PPIL1: variants seen among roughly 807,000 people sequenced by gnomAD.
PPIL1 encodes the protein peptidyl-prolyl cis-trans isomerase-like 1.
In PPIL1, 14 loss-of-function variants were observed where a neutral mutation model predicts 19.4. The ratio of observed to expected loss-of-function variants is 0.72; its 90% CI spans 0.48 to 1.13. The LOEUF (loss-of-function observed/expected upper bound fraction) is 1.13. PPIL1 is among the 50% of genes most tolerant of loss of function. The pLI, the probability that PPIL1 is intolerant of heterozygous loss-of-function variation, is 0.00. For synonymous variants in PPIL1, 72 were observed against 73.6 expected (o/e 0.98, Z 0.11); for missense variants, 192 against 218.0 (o/e 0.88, Z 0.75).
rs1483296704 is a variant in PPIL1 at position 36,874,782 on chromosome 6, G to C, written c.-10C>G. 6.2e-7 allele frequency: 1 copy of C among 1,614,014 alleles called. No individual in the cohort carries two copies. Among genetic ancestry groups the C allele is most frequent in the Non-Finnish European group, 8.5e-7 (1 of 1,179,928 alleles). On this transcript the variant is annotated 5_prime_UTR_variant, in exon 1 of 4. Coordinates refer to ENST00000373699, the MANE Select transcript of PPIL1 (RefSeq NM_016059.5). The stretch of plus-strand genomic sequence containing the variant: ...GGGGAATTGCCGCCATAGCGAAGCC[G>C]GCGGCGGAATGCTTGTCTAGTAATT...
At chr6:36,859,248 A>T (rs1774228375) in intron 2 of PPIL1, among the ~76,000 whole-genome samples, 1 of 152,054 alleles carries the variant, frequency 6.6e-6, no homozygotes, top group African/African-American at 2.4e-5. Flanking sequence ...AACATGGTGA[A>T]ACCCCATCAC....
intron 2 of PPIL1, among the ~76,000 whole-genome samples, chr6:36,866,144 C>T (rs1774390001): frequency 6.6e-6 from 1 of 152,166 alleles, no homozygotes; most frequent in African/African-American, 2.4e-5. Context: ...AAATAAAAGA[C>T]ACTCAGAGGG....
At chr6:36,868,422 C>T (rs923494462) in intron 2 of PPIL1, among the ~76,000 whole-genome samples, 2 of 151,996 alleles carry the variant, frequency 1.3e-5, no homozygotes, top group Non-Finnish European at 2.9e-5. Flanking sequence ...AACTATATTT[C>T]CTGAAATAGA....
At chr6:36,856,743 A>C in intron 2 of PPIL1, 89 bp from the exon 3 acceptor site, 22 of 1,261,436 alleles carry the variant, frequency 1.7e-5, no homozygotes, top group East Asian at 2.3e-5. Flanking sequence ...AGGATTTCTC[A>C]GAGTAGAGGA....
chr6:36,859,001 G>A (rs1380034419), intron 2 of PPIL1, among the ~76,000 whole-genome samples: 2 of 152,142 alleles, frequency 1.3e-5, no homozygotes, highest in Non-Finnish European at 2.9e-5. Context: ...TGTGGCCTGA[G>A]CTTCAAAGTG....
At chr6:36,860,109 G>A (rs1774251907) in intron 2 of PPIL1, among the ~76,000 whole-genome samples, 1 of 151,928 alleles carries the variant, frequency 6.6e-6, no homozygotes. Context: ...ACAGGTGTGA[G>A]CCACCACACC....
chr6:36,874,614 G>T, intron 1 of PPIL1, 103 bp downstream of exon 1: 1 of 1,468,552 alleles, frequency 6.8e-7, no homozygotes, highest in Non-Finnish European at 9.5e-7. Context: ...GCCCCTCCAC[G>T]TGGAGGCCGG....
At chr6:36,864,983 A>AG in intron 2 of PPIL1, among the ~76,000 whole-genome samples, 1 of 148,228 alleles carries the variant, frequency 6.7e-6, no homozygotes, top group Admixed American at 6.8e-5. Flanking sequence ...ATTAACAATA[A>AG]AAAAAAAAAA....
intron 2 of PPIL1, among the ~76,000 whole-genome samples, chr6:36,870,725 ATTC>A (rs1774491567): frequency 6.6e-6 from 1 of 151,992 alleles, no homozygotes; most frequent in Non-Finnish European, 1.5e-5. Context: ...GGTTCAAGCA[ATTC>A]TTCTGCCTCA....
chr6:36,856,911 T>C (rs2150653872), intron 2 of PPIL1, among the ~76,000 whole-genome samples: 2 of 152,384 alleles, frequency 1.3e-5, no homozygotes, highest in East Asian at 3.9e-4. Flanking sequence ...ACATGTTCAC[T>C]ATCAAAAAGG....
At chr6:36,862,168 C>T (rs534700422) in intron 2 of PPIL1, among the ~76,000 whole-genome samples, 4 of 151,684 alleles carry the variant, frequency 2.6e-5, no homozygotes, top group Admixed American at 1.3e-4. Context: ...TACTTGTCCC[C>T]GCCCCTCCCA....
At chr6:36,870,762 T>C (rs1016598294) in intron 2 of PPIL1, among the ~76,000 whole-genome samples, 1 of 152,056 alleles carries the variant, frequency 6.6e-6, no homozygotes, top group African/African-American at 2.4e-5. Flanking sequence ...GAACCTGAGA[T>C]TACAGGTGCC....
At chr6:36,860,763 TAAAAA>T (rs10585822) in intron 2 of PPIL1, among the ~76,000 whole-genome samples, 21 of 122,240 alleles carry the variant, frequency 1.7e-4, no homozygotes, top group African/African-American at 5.2e-4. Context: ...TATGTATCCC[TAAAAA>T]AAAAAAAAAA....
chr6:36,859,253 C>A (rs1324694615), intron 2 of PPIL1, among the ~76,000 whole-genome samples: 1 of 151,886 alleles, frequency 6.6e-6, no homozygotes, highest in African/African-American at 2.4e-5. Context: ...GGTGAAACCC[C>A]ATCACTAATA....
At position 36,859,844 on chromosome 6, in the gene PPIL1, T is replaced by TG. The variant is rs1554132501; in HGVS notation, c.212-3191_212-3190insC. ...GTGTGTGTGTGTGTGTGTGTGTGTG[T>TG]TTTGAGACAGAATCTCACTCTATCA... On this transcript the variant is annotated intron_variant, in intron 2 of 3. Transcript: ENST00000373699. Among the ~76,000 whole-genome samples the TG allele has an allele frequency of 2.0e-5, 3 of 150,386 alleles. No homozygotes were observed. The East Asian group carries it at 5.9e-4, about 29-fold the overall frequency.
chr6:36,874,486 AAGG>A (rs1428805406), intron 1 of PPIL1, among the ~76,000 whole-genome samples: 1 of 152,184 alleles, frequency 6.6e-6, no homozygotes, highest in African/African-American at 2.4e-5. Flanking sequence ...GGACTGGGGG[AAGG>A]AGGACAATCA....
Position 36,864,981 on chromosome 6 carries a change from TA to T in PPIL1, c.211+6736del, listed in dbSNP as rs569701227. Among the ~76,000 whole-genome samples the T allele has an allele frequency of 5.8e-3, 845 of 144,936 alleles. 8 individuals are homozygous for T. Among genetic ancestry groups the T allele is most frequent in the African/African-American group, 0.017 (656 of 39,574 alleles). The stretch of plus-strand genomic sequence containing the variant: ...AGGTATTTGTTAAATGAATTAACAA[TA>T]AAAAAAAAAAACCAGTCACATTTGT... On this transcript the variant is annotated intron_variant, in intron 2 of 3. Coordinates refer to ENST00000373699, the MANE Select transcript of PPIL1 (RefSeq NM_016059.5).
At chr6:36,872,154 A>G (rs761841967) in intron 1 of PPIL1, among the ~76,000 whole-genome samples, 7 of 151,850 alleles carry the variant, frequency 4.6e-5, no homozygotes, top group Non-Finnish European at 1.0e-4. Context: ...ATACATATGT[A>G]TATATATATA....
chr6:36,862,021 C>T (rs1400239581), intron 2 of PPIL1, among the ~76,000 whole-genome samples: 2 of 152,080 alleles, frequency 1.3e-5, no homozygotes, highest in Non-Finnish European at 2.9e-5. Flanking sequence ...AAACAAAACA[C>T]AAAAAACCCT....
Sources: gnomAD v4.1 joint callset for allele counts (sites outside exome capture counted in the v4.1 genomes callset) on GRCh38, gnomAD v4.1.1 for gene constraint, MANE v1.5 for transcripts, NCBI Gene and HGNC (gene_info 2026-07-23, HGNC 2026-07-21) for gene names.